TACC2: variants seen among roughly 807,000 people sequenced by gnomAD.
The protein encoded by TACC2 is transforming acidic coiled-coil-containing protein 2.
TACC2 carries 137 observed loss-of-function variants against 227.3 expected under a neutral mutation model. The ratio of observed to expected loss-of-function variants is 0.60; its 90% CI spans 0.52 to 0.69. The LOEUF (loss-of-function observed/expected upper bound fraction) is 0.69, where lower values mean the gene tolerates loss of function less well. Ranked by LOEUF, TACC2 falls within the 30% of genes least tolerant of loss-of-function variation. The pLI is 0.00. For synonymous variants in TACC2, 1,523 were observed against 1,487.5 expected (o/e 1.02, Z -0.55); for missense variants, 3,470 against 3,694.4 (o/e 0.94, Z 1.57).
At chr10:122,222,396 A>G (rs1317430538) in intron 11 of TACC2, among the ~76,000 whole-genome samples, 1 of 152,172 alleles carries the variant, frequency 6.6e-6, no homozygotes, top group East Asian at 1.9e-4. Flanking sequence ...TGATTGCAAC[A>G]AGCAGGGCGT....
At chr10:122,178,710 C>T (rs2093845554) in intron 7 of TACC2, among the ~76,000 whole-genome samples, 1 of 152,096 alleles carries the variant, frequency 6.6e-6, no homozygotes, top group African/African-American at 2.4e-5. Context: ...ATGGTGAAAC[C>T]TCGTCTCTAC....
At chr10:122,023,379 T>C (rs4752635) in intron 2 of TACC2, 9,928 of 152,218 alleles carry the variant, frequency 0.065, 442 homozygotes, top group African/African-American at 0.12. Flanking sequence ...AAAAGAAAAG[T>C]TGTCAAACTC....
chr10:122,177,549 C>G (rs952957046), intron 7 of TACC2, among the ~76,000 whole-genome samples: 5 of 152,048 alleles, frequency 3.3e-5, no homozygotes, highest in Non-Finnish European at 5.9e-5. Flanking sequence ...CACTGCATTC[C>G]AGCCTGGGTA....
rs1011022049 is a variant in TACC2, at chr10:122,152,902, T to C, written c.5834+9196T>C. Among the ~76,000 whole-genome samples, 10 of 152,344 alleles carry C rather than the reference T, an allele frequency of 6.6e-5. No individual in the cohort carries two copies. The East Asian group carries it at 1.2e-3, about 18-fold the overall frequency. On this transcript the variant is annotated intron_variant, in intron 7 of 22. Transcript: ENST00000369005. ...TCCCTGGAGCATCACAGAGTGGCTC[T>C]AGTTTTCTTCCTCTTGTGATAACAT... is the stretch of plus-strand genomic sequence containing the variant.
intron 4 of TACC2, 66 bp downstream of exon 4, chr10:122,088,025 T>A: frequency 2.1e-6 from 3 of 1,450,322 alleles, no homozygotes; most frequent in Non-Finnish European, 2.7e-6. Flanking sequence ...CCAGCCTGAT[T>A]TTTAGAAGTC....
At chr10:122,058,567 C>T (rs1250950258) in intron 3 of TACC2, among the ~76,000 whole-genome samples, 1 of 152,080 alleles carries the variant, frequency 6.6e-6, no homozygotes, top group Non-Finnish European at 1.5e-5. Flanking sequence ...AAGCACCATG[C>T]CCAACTAATT....
At chr10:122,019,157 C>T (rs757326193) in intron 1 of TACC2, among the ~76,000 whole-genome samples, 10 of 152,212 alleles carry the variant, frequency 6.6e-5, no homozygotes, top group Non-Finnish European at 1.5e-4. Flanking sequence ...TCCACAGGGC[C>T]TCCTCCATCC....
At position 122,237,665 on chromosome 10, in the gene TACC2, C is replaced by T. The variant is rs563692542; in HGVS notation, c.8271+127C>T. 4 of 1,208,122 alleles carry T rather than the reference C, an allele frequency of 3.3e-6. No individual in the cohort carries two copies. In the Admixed American group the frequency reaches 8.1e-5, roughly 24 times the overall value. 74.8% of individuals were successfully genotyped at this position (1,208,122 alleles called of 1,614,324 possible). A position where few individuals can be genotyped will look rare whatever the true frequency, so the allele number is the denominator to read the frequency against. On this transcript the variant is annotated intron_variant, in intron 17 of 22. Coordinates refer to ENST00000369005, the MANE Select transcript of TACC2 (RefSeq NM_206862.4). Reference sequence around the variant, plus strand: ...GAACGCTGCAGGCAAAGATGTGTGGCACACCATGCGTTTTGATCTTCCTAG... The same window carrying T: ...GAACGCTGCAGGCAAAGATGTGTGGTACACCATGCGTTTTGATCTTCCTAG...
chr10:122,093,652 ATTGGC>A (rs2081068547), intron 5 of TACC2, among the ~76,000 whole-genome samples: 1 of 152,146 alleles, frequency 6.6e-6, no homozygotes, highest in Admixed American at 6.5e-5. Context: ...TTGGCCTCTT[ATTGGC>A]TTCGTTACCT....
intron 3 of TACC2, among the ~76,000 whole-genome samples, chr10:122,068,671 C>CT (rs55740675): frequency 0.71 from 103,511 of 146,682 alleles, 37,578 homozygotes; most frequent in South Asian, 0.83. Flanking sequence ...CCTCCGAAAC[C>CT]TTTTTTTTTT....
rs1318471919 is a variant in TACC2, at chr10:122,043,485, CTT to C, written c.34-6949_34-6948del. 5.0e-4 allele frequency among the ~76,000 whole-genome samples: 75 copies of C among 150,702 alleles called. 2 individuals are homozygous for C. The highest frequency in any genetic ancestry group is 1.8e-3 in the African/African-American group (72 of 40,884). On this transcript the variant is annotated intron_variant, in intron 2 of 22. Transcript: ENST00000369005. ...TCTTTCTTTCTTTCTTTTTCTCTTT[CTT>C]TTTCTTTCTTTCTTTTTCTCTTTCT...
rs144408700 is a variant in TACC2 at position 122,083,641 on chromosome 10, C to A, written c.1141C>A (p.Arg381=). ...TCAGGGTCACCCACAGACAGGGATG[C>A]GAGGAACCAAGCCCAATCAAGTTGT... The part of the protein sequence containing the change: ...DVQGHPQTGM[R]GTKPNQVVCV... Residue 381 remains arginine, a synonymous_variant, in exon 4 of 23, where the codon CGA becomes AGA. Transcript: ENST00000369005. 1.9e-5 allele frequency: 31 copies of A among 1,610,884 alleles called. No individual in the cohort carries two copies. In the African/African-American group the frequency reaches 3.9e-4, roughly 20 times the overall value.
chr10:122,057,732 C>T (rs1464758664), intron 3 of TACC2, among the ~76,000 whole-genome samples: 1 of 151,922 alleles, frequency 6.6e-6, no homozygotes, highest in Non-Finnish European at 1.5e-5. Context: ...AGGCAGGGTT[C>T]AATCTGAGGC....
intron 15 of TACC2, 101 bp downstream of exon 15, chr10:122,229,587 T>C: frequency 5.8e-6 from 8 of 1,376,192 alleles, no homozygotes; most frequent in Non-Finnish European, 7.0e-6. Flanking sequence ...GATGAGGAAC[T>C]GCCGAGAACG....
At chr10:122,196,564 G>A (rs2094572216) in intron 8 of TACC2, among the ~76,000 whole-genome samples, 1 of 152,134 alleles carries the variant, frequency 6.6e-6, no homozygotes, top group Non-Finnish European at 1.5e-5. Context: ...CCTTTATTTT[G>A]TATGACCAAG....
intron 11 of TACC2, among the ~76,000 whole-genome samples, chr10:122,217,884 G>A (rs77793701): frequency 0.019 from 2,900 of 152,166 alleles, 34 homozygotes; most frequent in Non-Finnish European, 0.032. Context: ...TGCCCAGTTG[G>A]CATTTTGACA....
At chr10:122,190,236 C>A (rs1482108632) in intron 7 of TACC2, among the ~76,000 whole-genome samples, 1 of 152,098 alleles carries the variant, frequency 6.6e-6, no homozygotes, top group African/African-American at 2.4e-5. Context: ...ATATTTAAAC[C>A]AGATCACAAA....
At chr10:122,178,925 C>T (rs896450868) in intron 7 of TACC2, among the ~76,000 whole-genome samples, 2 of 152,170 alleles carry the variant, frequency 1.3e-5, no homozygotes, top group Non-Finnish European at 1.5e-5. Context: ...AAGCAATTTA[C>T]ATTACAATTC....
At chr10:122,197,452 C>T (rs957225271) in intron 8 of TACC2, among the ~76,000 whole-genome samples, 1 of 152,210 alleles carries the variant, frequency 6.6e-6, no homozygotes, top group African/African-American at 2.4e-5. Flanking sequence ...TGATCCTGTC[C>T]TTCTTCCTTC....
Sources: allele counts gnomAD v4.1 joint callset (sites outside exome capture counted in the v4.1 genomes callset), GRCh38; gene constraint gnomAD v4.1.1; transcripts MANE v1.5; gene names NCBI Gene and HGNC (gene_info 2026-07-23, HGNC 2026-07-21).